Variants in POU2F1 observed in about 807,000 individuals in gnomAD.
POU2F1 encodes the protein POU class 2 homeobox 1.
In POU2F1, 16 loss-of-function variants were observed where a neutral mutation model predicts 84.9. The observed-to-expected ratio is 0.19, with a 90% confidence interval of 0.13 to 0.29. The LOEUF is 0.29. Among genes scored for constraint, POU2F1 ranks in the 10% least tolerant of loss-of-function variants. The pLI, the probability that POU2F1 is intolerant of heterozygous loss-of-function variation, is 1.00. For synonymous variants in POU2F1, 368 were observed against 368.3 expected, an observed-to-expected ratio of 1.00 and a Z score of 0.01; for missense variants, 738 against 942.6, an observed-to-expected ratio of 0.78 and a Z score of 2.84.
intron 1 of POU2F1, among the ~76,000 whole-genome samples, chr1:167,292,976 C>T (rs780127628): frequency 3.3e-5 from 5 of 152,100 alleles, no homozygotes; most frequent in Non-Finnish European, 5.9e-5. Context: ...TAAAAACCCT[C>T]AACAAACTAG....
intron 1 of POU2F1, among the ~76,000 whole-genome samples, chr1:167,283,929 A>T (rs1176671274): frequency 6.6e-6 from 1 of 152,226 alleles, no homozygotes; most frequent in Non-Finnish European, 1.5e-5. Flanking sequence ...CAGTAAACAA[A>T]TAATAAATAC....
chr1:167,392,788 A>T (rs1169339695), intron 9 of POU2F1, among the ~76,000 whole-genome samples: 1 of 152,230 alleles, frequency 6.6e-6, no homozygotes, highest in Non-Finnish European at 1.5e-5. Context: ...GTTAAAGTAC[A>T]TACTACTGCT....
intron 2 of POU2F1, among the ~76,000 whole-genome samples, chr1:167,355,131 C>T (rs1658850735): frequency 6.7e-6 from 1 of 148,584 alleles, no homozygotes; most frequent in African/African-American, 2.5e-5. Context: ...TTGCATTTCA[C>T]ATTTTGGCTT....
chr1:167,250,487 A>G (rs998454215), intron 1 of POU2F1, among the ~76,000 whole-genome samples: 2 of 152,190 alleles, frequency 1.3e-5, no homozygotes, highest in Non-Finnish European at 2.9e-5. Context: ...TATTCTTGAG[A>G]ATGTTGCCAC....
At chr1:167,350,407 T>C (rs1217896283) in intron 2 of POU2F1, among the ~76,000 whole-genome samples, 1 of 152,228 alleles carries the variant, frequency 6.6e-6, no homozygotes, top group African/African-American at 2.4e-5. Flanking sequence ...GATTTAATTC[T>C]ATTTTGTCGT....
intron 1 of POU2F1, among the ~76,000 whole-genome samples, chr1:167,222,365 G>A (rs1289794223): frequency 1.3e-5 from 2 of 152,088 alleles, no homozygotes; most frequent in Non-Finnish European, 2.9e-5. Context: ...TGAAATGGCC[G>A]CCTGGCTTTC....
chr1:167,394,986 G>T (rs1571434939), intron 9 of POU2F1, among the ~76,000 whole-genome samples: 1 of 152,186 alleles, frequency 6.6e-6, no homozygotes, highest in East Asian at 1.9e-4. Context: ...CAGGATAGTT[G>T]AGAGTTGGCT....
intron 2 of POU2F1, among the ~76,000 whole-genome samples, chr1:167,341,400 A>G (rs1657837714): frequency 6.6e-6 from 1 of 152,202 alleles, no homozygotes; most frequent in Non-Finnish European, 1.5e-5. Context: ...TTTACAGTCA[A>G]TTAACTGTCT....
intron 1 of POU2F1, among the ~76,000 whole-genome samples, chr1:167,298,241 T>G (rs1396683825): frequency 6.6e-6 from 1 of 152,190 alleles, no homozygotes. Context: ...AATAAGACAG[T>G]AATGATGACT....
chr1:167,249,745 A>C (rs570918516), intron 1 of POU2F1, among the ~76,000 whole-genome samples: 27 of 152,182 alleles, frequency 1.8e-4, no homozygotes, highest in Non-Finnish European at 2.8e-4. Context: ...AAAGTTTTAG[A>C]GGAGGAACTG....
rs1648227153 is a variant in POU2F1, at chr1:167,389,477, G to C, written c.814-111G>C. ...TGTTGTACATTCTGTAGTGTTACAT[G>C]GTCTTCATCGTTATCCATAAATGTG... On this transcript the variant is annotated intron_variant, in intron 8 of 15. Coordinates refer to ENST00000367866, the MANE Select transcript of POU2F1 (RefSeq NM_002697.4). 13 of 1,124,214 alleles carry C rather than the reference G, an allele frequency of 1.2e-5. No homozygotes were observed. In the South Asian group the frequency reaches 1.6e-4, roughly 14 times the overall value. 69.6% of individuals were successfully genotyped at this position (1,124,214 alleles called of 1,614,324 possible).
chr1:167,376,085 G>A lies in POU2F1; in HGVS notation c.648G>A (p.Val216=), dbSNP rs374261952. Residue 216 remains valine (V), a synonymous_variant, in exon 7 of 16, where the codon GTG becomes GTA. Transcript: ENST00000367866. ...AGAATCTCAACCTGCAACAGTTTGT[G>A]TTGGTGCATCCAACCACCAATTTGC... ...QQQNLNLQQF[V]LVHPTTNLQP... is the part of the protein sequence containing the mutation. The A allele has an allele frequency of 5.0e-6, 8 of 1,614,174 alleles. No individual in the cohort carries two copies. Among genetic ancestry groups the A allele is most frequent in the Non-Finnish European group, 5.9e-6 (7 of 1,179,984 alleles).
At chr1:167,238,339 A>C (rs1649655620) in intron 1 of POU2F1, among the ~76,000 whole-genome samples, 1 of 152,206 alleles carries the variant, frequency 6.6e-6, no homozygotes, top group South Asian at 2.1e-4. Flanking sequence ...TAAACTTCTT[A>C]GTAGATGATG....
intron 2 of POU2F1, 44 bp downstream of exon 2, chr1:167,332,579 C>T: frequency 6.8e-7 from 1 of 1,476,788 alleles, no homozygotes; most frequent in Non-Finnish European, 9.4e-7. Flanking sequence ...TCTAGTAGAG[C>T]ACAAAGAAGA....
At chr1:167,414,243 A>T (rs1650160449) in intron 15 of POU2F1, 1 of 859,942 alleles carries the variant, frequency 1.2e-6, no homozygotes, top group Non-Finnish European at 1.4e-6. Flanking sequence ...TTTTTTTTGC[A>T]ATAGAATTTG....
chr1:167,259,953 A>C (rs1651430300), intron 1 of POU2F1, among the ~76,000 whole-genome samples: 1 of 151,196 alleles, frequency 6.6e-6, no homozygotes, highest in African/African-American at 2.4e-5. Context: ...ATCTCAGCTC[A>C]CTGCAAGCTT....
chr1:167,324,168 T>TA (rs1393330946), intron 1 of POU2F1, among the ~76,000 whole-genome samples: 2 of 152,154 alleles, frequency 1.3e-5, no homozygotes, highest in Admixed American at 6.5e-5. Flanking sequence ...TAAATTATTC[T>TA]AAAAAAATAG....
chr1:167,396,282 G>T lies in POU2F1; in HGVS notation c.988-4G>T. On this transcript the variant is annotated splice_polypyrimidine_tract_variant and splice_region_variant and intron_variant, in intron 9 of 15. Transcript: ENST00000367866. ...CCTCTTCTCCTGCTCTGTATTGTGT[G>T]TAGGGTGATGTTGGGCTCGCTATGG... The T allele has an allele frequency of 6.2e-7, 1 of 1,614,050 alleles. No homozygotes were observed. Among genetic ancestry groups the T allele is most frequent in the Non-Finnish European group, 8.5e-7 (1 of 1,179,912 alleles).
At chr1:167,391,565 T>G (rs893840732) in intron 9 of POU2F1, among the ~76,000 whole-genome samples, 3 of 125,186 alleles carry the variant, frequency 2.4e-5, no homozygotes, top group Non-Finnish European at 5.1e-5. Context: ...ATATCTTTTT[T>G]TTTTTTTTTT....
Sources: gnomAD v4.1 joint callset for allele counts (sites outside exome capture counted in the v4.1 genomes callset) on GRCh38, gnomAD v4.1.1 for gene constraint, MANE v1.5 for transcripts, NCBI Gene and HGNC (gene_info 2026-07-23, HGNC 2026-07-21) for gene names.